Variants in ZBTB20 observed in about 807,000 individuals in gnomAD.
ZBTB20 encodes zinc finger and BTB domain-containing protein 20.
A neutral mutation model predicts 56.9 loss-of-function variants in ZBTB20; 9 were observed. The observed-to-expected ratio is 0.16, with a 90% CI of 0.10 to 0.28. The LOEUF is 0.28. Ranked by LOEUF, ZBTB20 falls within the 10% of genes least tolerant of loss-of-function variation. The probability of loss-of-function intolerance (pLI) is 1.00; values close to 1 mark genes in which losing one functional copy is unlikely to be tolerated. For synonymous variants in ZBTB20, 417 were observed against 420.7 expected (o/e 0.99, Z 0.11); for missense variants, 655 against 1,003.0 (o/e 0.65, Z 4.69).
At chr3:114,726,650 T>C (rs1274228) in intron 5 of ZBTB20, among the ~76,000 whole-genome samples, 145,230 of 152,004 alleles carry the variant, frequency 0.96, 69,727 homozygotes, top group Middle Eastern at 1. Context: ...CGGTGGCTCA[T>C]GCCTGTAATC....
chr3:114,777,285 G>A (rs918058621), intron 5 of ZBTB20, among the ~76,000 whole-genome samples: 7 of 152,088 alleles, frequency 4.6e-5, no homozygotes, highest in Admixed American at 3.3e-4. Context: ...TTGGGAGGCC[G>A]AGGGAGGTCA....
chr3:114,698,512 G>C (rs891903549), intron 5 of ZBTB20, among the ~76,000 whole-genome samples: 12 of 152,078 alleles, frequency 7.9e-5, no homozygotes, highest in African/African-American at 2.9e-4. Context: ...CAGAAAGAAA[G>C]GGTGAAGTTG....
intron 6 of ZBTB20, among the ~76,000 whole-genome samples, chr3:114,667,874 G>A (rs937935372): frequency 6.6e-6 from 1 of 151,868 alleles, no homozygotes; most frequent in Non-Finnish European, 1.5e-5. Context: ...ATGGAGAGTG[G>A]AAATCATCTG....
At chr3:114,968,278 T>G (rs927032663) in intron 3 of ZBTB20, among the ~76,000 whole-genome samples, 1 of 152,248 alleles carries the variant, frequency 6.6e-6, no homozygotes, top group African/African-American at 2.4e-5. Flanking sequence ...ATGGCTGTTA[T>G]GTCAAACTGT....
intron 5 of ZBTB20, among the ~76,000 whole-genome samples, chr3:114,768,120 G>A (rs1051025038): frequency 6.6e-6 from 1 of 151,844 alleles, no homozygotes; most frequent in African/African-American, 2.4e-5. Context: ...AAATGGTTGG[G>A]GATAGGGATT....
chr3:114,777,915 A>G (rs550686755), intron 5 of ZBTB20, among the ~76,000 whole-genome samples: 1 of 151,980 alleles, frequency 6.6e-6, no homozygotes, highest in Non-Finnish European at 1.5e-5. Context: ...CTATGCAGCC[A>G]TAAAAAATGA....
rs2079048217 is a variant in ZBTB20 at position 114,325,885 on chromosome 3, G to GTTTCTAA, written c.*13113_*13119dup. The GTTTCTAA allele has an allele frequency of 6.6e-6, 1 of 152,118 alleles. No individual in the cohort carries two copies. The highest frequency in any genetic ancestry group is 2.4e-5 in the African/African-American group (1 of 41,442). The allele number at this position is 152,118 out of a possible 1,614,324, so 9.4% of individuals were successfully genotyped here. A position where few individuals can be genotyped will look rare whatever the true frequency, so the allele number is the denominator to read the frequency against. On this transcript the variant is annotated 3_prime_UTR_variant, in exon 12 of 12. Coordinates refer to ENST00000675478, the MANE Select transcript of ZBTB20 (RefSeq NM_001348800.3). ...TACAATTTCCTTTTTTAAAAAAATA[G>GTTTCTAA]TTTCTAATTTGTTTTTTCCTTCTTT...
intron 1 of ZBTB20, among the ~76,000 whole-genome samples, chr3:115,073,848 C>T (rs555875813): frequency 7.6e-4 from 114 of 150,844 alleles, no homozygotes; most frequent in Middle Eastern, 3.5e-3. Flanking sequence ...TAAATAAATC[C>T]CTACCATTAA....
intron 5 of ZBTB20, among the ~76,000 whole-genome samples, chr3:114,774,096 A>T (rs960281498): frequency 2.6e-5 from 4 of 152,206 alleles, no homozygotes; most frequent in Non-Finnish European, 4.4e-5. Flanking sequence ...TTTTTGAGGT[A>T]TAACTACCAA....
chr3:114,949,986 A>T (rs962653962), intron 3 of ZBTB20, among the ~76,000 whole-genome samples: 2 of 152,190 alleles, frequency 1.3e-5, no homozygotes, highest in Admixed American at 6.5e-5. Context: ...GAAAATAAAC[A>T]TATGAAAAGA....
At chr3:114,624,684 A>G (rs1375967756) in intron 6 of ZBTB20, among the ~76,000 whole-genome samples, 1 of 152,114 alleles carries the variant, frequency 6.6e-6, no homozygotes, top group Admixed American at 6.6e-5. Context: ...TGTACCATCC[A>G]GACATTTTCA....
intron 6 of ZBTB20, chr3:114,582,188 T>A (rs993499285): frequency 6.6e-6 from 1 of 152,182 alleles, no homozygotes; most frequent in African/African-American, 2.4e-5. Context: ...TTATAAATAT[T>A]CTGCACCTTG....
At chr3:114,652,627 A>G (rs1202358076) in intron 6 of ZBTB20, among the ~76,000 whole-genome samples, 1 of 152,028 alleles carries the variant, frequency 6.6e-6, no homozygotes, top group Admixed American at 6.6e-5. Context: ...AAATTAGGTA[A>G]TGTGAGTCTT....
chr3:114,979,633 A>G (rs2078249634), intron 2 of ZBTB20, among the ~76,000 whole-genome samples: 2 of 152,080 alleles, frequency 1.3e-5, no homozygotes, highest in South Asian at 4.1e-4. Context: ...AAATTTAAAC[A>G]TAAGGTTTAA....
At chr3:115,104,182 T>A (rs1012089246) in intron 1 of ZBTB20, among the ~76,000 whole-genome samples, 5 of 152,056 alleles carry the variant, frequency 3.3e-5, no homozygotes, top group Admixed American at 3.3e-4. Context: ...TGGCCCAAAC[T>A]CACAGCACTG....
intron 6 of ZBTB20, among the ~76,000 whole-genome samples, chr3:114,684,267 C>T (rs562000820): frequency 2.0e-5 from 3 of 152,098 alleles, no homozygotes; most frequent in South Asian, 4.1e-4. Flanking sequence ...AATAGTTGAA[C>T]GACTTTAGGG....
chr3:114,909,559 C>T lies in ZBTB20; in HGVS notation c.-455-9217G>A, dbSNP rs539538870. Among the ~76,000 whole-genome samples the T allele has an allele frequency of 9.2e-5, 14 of 152,118 alleles. 1 individual carries two copies. The East Asian group carries it at 2.1e-3, about 23-fold the overall frequency. ...CCTTCACATTCATTAACCACTCACT[C>T]ACTAACTTTCTCAGAGCAACTTCCA... On this transcript the variant is annotated intron_variant, in intron 3 of 11. Coordinates refer to ENST00000675478, the MANE Select transcript of ZBTB20 (RefSeq NM_001348800.3).
At chr3:114,574,728 C>T (rs1473165281) in intron 6 of ZBTB20, among the ~76,000 whole-genome samples, 1 of 152,190 alleles carries the variant, frequency 6.6e-6, no homozygotes, top group Non-Finnish European at 1.5e-5. Context: ...TTATTCTGCA[C>T]ACTGATGCCG....
intron 5 of ZBTB20, among the ~76,000 whole-genome samples, chr3:114,753,353 T>TGTATG (rs1216239981): frequency 0.26 from 28,304 of 107,666 alleles, 13,125 homozygotes; most frequent in Admixed American, 0.45. Context: ...TATGTATACA[T>TGTATG]TATATATAAT....
Sources: allele counts gnomAD v4.1 joint callset (sites outside exome capture counted in the v4.1 genomes callset), GRCh38; gene constraint gnomAD v4.1.1; transcripts MANE v1.5; gene names NCBI Gene and HGNC (gene_info 2026-07-23, HGNC 2026-07-21).